EXT1: variants seen among roughly 807,000 people sequenced by gnomAD.
EXT1 encodes exostosin glycosyltransferase 1, also known as exostosin-1.
Under a neutral mutation model 82.5 loss-of-function variants are expected in EXT1, and 20 were observed. The ratio of observed to expected loss-of-function variants is 0.24; its 90% CI spans 0.17 to 0.35. The LOEUF is 0.35. Among genes scored for constraint, EXT1 ranks in the 10% least tolerant of loss-of-function variants. The pLI is 1.00. For synonymous variants in EXT1, 348 were observed against 350.8 expected (o/e 0.99, Z 0.09); for missense variants, 757 against 936.5 (o/e 0.81, Z 2.50).
chr8:117,958,772 T>C (rs537010553), intron 1 of EXT1, among the ~76,000 whole-genome samples: 75 of 152,356 alleles, frequency 4.9e-4, no homozygotes, highest in Middle Eastern at 3.4e-3. Flanking sequence ...TCTTTTCAAC[T>C]AGCCTAAGCA....
At chr8:118,005,130 A>G (rs1174955744) in intron 1 of EXT1, among the ~76,000 whole-genome samples, 1 of 152,174 alleles carries the variant, frequency 6.6e-6, no homozygotes, top group Admixed American at 6.5e-5. Context: ...CTCTCTACCT[A>G]ACTTTTGACA....
intron 1 of EXT1, among the ~76,000 whole-genome samples, chr8:117,902,582 T>TACG (rs1554584747): frequency 6.6e-6 from 1 of 151,858 alleles, no homozygotes; most frequent in Admixed American, 6.5e-5. Flanking sequence ...CATGCATTGT[T>TACG]ATAATTAGCT....
chr8:117,942,266 T>A (rs1460534237), intron 1 of EXT1, among the ~76,000 whole-genome samples: 1 of 152,194 alleles, frequency 6.6e-6, no homozygotes, highest in Non-Finnish European at 1.5e-5. Context: ...CTGCACCACC[T>A]ATATACTACA....
At chr8:118,000,664 G>C (rs1586334905) in intron 1 of EXT1, among the ~76,000 whole-genome samples, 1 of 152,204 alleles carries the variant, frequency 6.6e-6, no homozygotes, top group Non-Finnish European at 1.5e-5. Context: ...GGGTCCTTGG[G>C]AAACAAGCCA....
chr8:117,809,616 G>A (rs1823291059), intron 8 of EXT1, among the ~76,000 whole-genome samples: 2 of 148,916 alleles, frequency 1.3e-5, no homozygotes, highest in African/African-American at 4.9e-5. Context: ...TATCGTGGGC[G>A]GCAGAGTGAG....
intron 1 of EXT1, among the ~76,000 whole-genome samples, chr8:117,989,412 C>T (rs1003220063): frequency 1.3e-5 from 2 of 152,132 alleles, no homozygotes; most frequent in African/African-American, 4.8e-5. Context: ...CTGTCTGCCT[C>T]CACTCAATTA....
intron 1 of EXT1, among the ~76,000 whole-genome samples, chr8:117,880,856 G>C (rs560788016): frequency 1.3e-5 from 2 of 152,290 alleles, no homozygotes; most frequent in African/African-American, 4.8e-5. Context: ...CTCCCAAAGT[G>C]CTGGGATTAC....
At chr8:117,832,268 G>C (rs982426801) in intron 3 of EXT1, among the ~76,000 whole-genome samples, 4 of 152,172 alleles carry the variant, frequency 2.6e-5, no homozygotes, top group African/African-American at 9.7e-5. Flanking sequence ...GGCTCAGCCT[G>C]TAATCCCAGC....
intron 1 of EXT1, among the ~76,000 whole-genome samples, chr8:118,007,634 C>G (rs542068162): frequency 2.0e-5 from 3 of 152,144 alleles, no homozygotes; most frequent in Non-Finnish European, 4.4e-5. Flanking sequence ...AAATTAAATA[C>G]AAAAGACGAA....
chr8:118,003,941 AAT>A (rs1171110018), intron 1 of EXT1, among the ~76,000 whole-genome samples: 3 of 152,300 alleles, frequency 2.0e-5, no homozygotes, highest in South Asian at 2.1e-4. Flanking sequence ...ACCACATTCT[AAT>A]ATGTTTACAA....
chr8:117,916,776 G>C (rs1197589454), intron 1 of EXT1, among the ~76,000 whole-genome samples: 1 of 151,962 alleles, frequency 6.6e-6, no homozygotes, highest in Non-Finnish European at 1.5e-5. Context: ...AGCTGGGTGT[G>C]GTGGCCTGTA....
chr8:117,980,449 A>C (rs1185352012), intron 1 of EXT1, among the ~76,000 whole-genome samples: 3 of 152,168 alleles, frequency 2.0e-5, no homozygotes, highest in African/African-American at 7.2e-5. Context: ...AGTGATGGGG[A>C]TCCTTTATCC....
intron 1 of EXT1, among the ~76,000 whole-genome samples, chr8:117,973,292 C>T (rs1814978413): frequency 6.6e-6 from 1 of 152,118 alleles, no homozygotes; most frequent in South Asian, 2.1e-4. Flanking sequence ...ACTGTAACTG[C>T]TAGTGGAAAC....
At chr8:117,814,864 C>T (rs1378512842) in intron 7 of EXT1, among the ~76,000 whole-genome samples, 3 of 152,072 alleles carry the variant, frequency 2.0e-5, no homozygotes, top group African/African-American at 7.2e-5. Context: ...CATCTGCAGG[C>T]CTCATCTCAA....
intron 1 of EXT1, among the ~76,000 whole-genome samples, chr8:117,914,185 G>A (rs954687955): frequency 5.3e-5 from 8 of 151,498 alleles, no homozygotes; most frequent in South Asian, 4.1e-4. Context: ...CTGGAGCCTC[G>A]GCAGAGGAAC....
At chr8:117,974,093 G>C (rs892276166) in intron 1 of EXT1, among the ~76,000 whole-genome samples, 1 of 152,126 alleles carries the variant, frequency 6.6e-6, no homozygotes, top group African/African-American at 2.4e-5. Flanking sequence ...CTCCCACCCA[G>C]GTGGGTCACA....
chr8:117,994,605 T>C (rs1238789954), intron 1 of EXT1, among the ~76,000 whole-genome samples: 1 of 152,146 alleles, frequency 6.6e-6, no homozygotes, highest in African/African-American at 2.4e-5. Context: ...AGCAAGATAC[T>C]GTCTCCAAAA....
chr8:117,967,830 C>G (rs1814853441), intron 1 of EXT1, among the ~76,000 whole-genome samples: 1 of 152,074 alleles, frequency 6.6e-6, no homozygotes, highest in African/African-American at 2.4e-5. Context: ...AGCCACTTGC[C>G]CAAGATCACA....
In EXT1 at chr8:117,846,770, C is replaced by T. The variant is rs577325881; in HGVS notation, c.963-9569G>A. The stretch of plus-strand genomic sequence containing the variant: ...GAGCCAGGAAGTATGGACAGCAGCC[C>T]GAGAAGACCAGGATAGGGGTGGGCA... On this transcript the variant is annotated intron_variant, in intron 1 of 10. Transcript: ENST00000378204. Among the ~76,000 whole-genome samples the T allele has an allele frequency of 4.6e-5, 7 of 152,230 alleles. No individual in the cohort carries two copies. In the South Asian group the frequency reaches 8.3e-4, roughly 18 times the overall value.
Sources: gnomAD v4.1 joint callset for allele counts (sites outside exome capture counted in the v4.1 genomes callset) on GRCh38, gnomAD v4.1.1 for gene constraint, MANE v1.5 for transcripts, NCBI Gene and HGNC (gene_info 2026-07-23, HGNC 2026-07-21) for gene names.